EHBP1: variants seen among roughly 807,000 people sequenced by gnomAD.
EHBP1 encodes EH domain binding protein 1.
Under a neutral mutation model 144.0 loss-of-function variants are expected in EHBP1, and 55 were observed. The observed-to-expected ratio is 0.38, with a 90% confidence interval of 0.31 to 0.48. The LOEUF is 0.48. EHBP1 is among the 20% of genes least tolerant of loss of function. The pLI, the probability that EHBP1 is intolerant of heterozygous loss-of-function variation, is 0.98. For synonymous variants in EHBP1, 469 were observed against 472.7 expected, an observed-to-expected ratio of 0.99 and a Z score of 0.10; for missense variants, 1,200 against 1,364.2, an observed-to-expected ratio of 0.88 and a Z score of 1.90.
intron 19 of EHBP1, among the ~76,000 whole-genome samples, chr2:63,031,652 G>A (rs1236545759): frequency 6.6e-6 from 1 of 152,086 alleles, no homozygotes; most frequent in Non-Finnish European, 1.5e-5. Flanking sequence ...CTATTGGCTG[G>A]GCACAGTGTC....
intron 7 of EHBP1, among the ~76,000 whole-genome samples, chr2:62,837,724 A>T (rs1301749030): frequency 6.6e-6 from 1 of 151,512 alleles, no homozygotes; most frequent in East Asian, 1.9e-4. Context: ...AAACCAACAA[A>T]GATCAAAAGA....
intron 10 of EHBP1, among the ~76,000 whole-genome samples, chr2:62,911,580 G>A (rs1433515793): frequency 6.6e-6 from 1 of 152,102 alleles, no homozygotes; most frequent in Non-Finnish European, 1.5e-5. Context: ...TCCTGCCTCA[G>A]CCTCTCAAGT....
chr2:62,732,288 C>G (rs2037678957), intron 2 of EHBP1, among the ~76,000 whole-genome samples: 1 of 152,118 alleles, frequency 6.6e-6, no homozygotes, highest in Non-Finnish European at 1.5e-5. Flanking sequence ...TTTGGGAATT[C>G]TCAGACACTG....
At chr2:62,915,621 A>G (rs2054550721) in intron 10 of EHBP1, among the ~76,000 whole-genome samples, 1 of 152,216 alleles carries the variant, frequency 6.6e-6, no homozygotes, top group African/African-American at 2.4e-5. Context: ...TAGATTTGAT[A>G]TAACCATAAT....
intron 2 of EHBP1, among the ~76,000 whole-genome samples, chr2:62,711,215 T>C (rs1283120735): frequency 6.6e-6 from 1 of 152,210 alleles, no homozygotes; most frequent in African/African-American, 2.4e-5. Context: ...CACTTGCATA[T>C]AGTAAAATGC....
chr2:62,995,133 C>G (rs945851712), intron 18 of EHBP1, among the ~76,000 whole-genome samples: 2 of 152,086 alleles, frequency 1.3e-5, no homozygotes, highest in African/African-American at 4.8e-5. Flanking sequence ...GTTCAAGAAG[C>G]ATTCACCAGA....
At chr2:63,030,235 G>T (rs1418880286) in intron 19 of EHBP1, among the ~76,000 whole-genome samples, 1 of 152,070 alleles carries the variant, frequency 6.6e-6, no homozygotes, top group Non-Finnish European at 1.5e-5. Context: ...TTTATAAGAG[G>T]TCTTTATTCT....
intron 19 of EHBP1, among the ~76,000 whole-genome samples, chr2:63,006,245 AT>A (rs537500650): frequency 1.3e-4 from 20 of 150,254 alleles, no homozygotes; most frequent in East Asian, 5.8e-4. Context: ...TGGTAAGTTG[AT>A]TTTTTTTTTA....
At chr2:62,786,724 G>A (rs1030655938) in intron 5 of EHBP1, among the ~76,000 whole-genome samples, 12 of 152,076 alleles carry the variant, frequency 7.9e-5, no homozygotes, top group East Asian at 1.9e-4. Flanking sequence ...TGCTTTCTCC[G>A]CAGCAGAATT....
chr2:62,983,507 A>T (rs2059058468), intron 15 of EHBP1, among the ~76,000 whole-genome samples: 1 of 152,120 alleles, frequency 6.6e-6, no homozygotes, highest in South Asian at 2.1e-4. Flanking sequence ...TAGTTAGATT[A>T]GATTAGATTT....
chr2:62,840,588 C>G (rs2047739509), intron 7 of EHBP1, among the ~76,000 whole-genome samples: 1 of 151,712 alleles, frequency 6.6e-6, no homozygotes, highest in Non-Finnish European at 1.5e-5. Context: ...GCAACCTACT[C>G]ATCTGACAAA....
intron 10 of EHBP1, among the ~76,000 whole-genome samples, chr2:62,891,761 G>A (rs978521851): frequency 6.6e-6 from 1 of 152,022 alleles, no homozygotes; most frequent in African/African-American, 2.4e-5. Context: ...TAGCGAGGCC[G>A]TTTCACTAGG....
intron 10 of EHBP1, among the ~76,000 whole-genome samples, chr2:62,913,299 GC>G (rs1464312145): frequency 6.6e-6 from 1 of 152,048 alleles, no homozygotes; most frequent in Non-Finnish European, 1.5e-5. Context: ...TCTTTTAAAG[GC>G]CCTTCCCACT....
At chr2:62,909,494 T>C (rs1056609482) in intron 10 of EHBP1, among the ~76,000 whole-genome samples, 1 of 152,184 alleles carries the variant, frequency 6.6e-6, no homozygotes, top group Non-Finnish European at 1.5e-5. Context: ...GCAGAGTCTT[T>C]ATGAGAAAAC....
intron 1 of EHBP1, among the ~76,000 whole-genome samples, chr2:62,676,288 T>C (rs2033290457): frequency 6.6e-6 from 1 of 152,238 alleles, no homozygotes; most frequent in African/African-American, 2.4e-5. Flanking sequence ...TAATGACTAG[T>C]AAGATATCAC....
At chr2:62,992,699 G>A (rs187633875) in intron 16 of EHBP1, among the ~76,000 whole-genome samples, 1 of 152,138 alleles carries the variant, frequency 6.6e-6, no homozygotes, top group East Asian at 1.9e-4. Context: ...TGTATCCCAG[G>A]CCTCCTTGAG....
At chr2:62,742,100 G>A (rs1461531780) in intron 2 of EHBP1, among the ~76,000 whole-genome samples, 1 of 152,090 alleles carries the variant, frequency 6.6e-6, no homozygotes, top group African/African-American at 2.4e-5. Flanking sequence ...TAGCCTAGGA[G>A]TGATAGGCTC....
At chr2:62,879,955 A>G (rs901318797) in intron 10 of EHBP1, among the ~76,000 whole-genome samples, 2 of 152,318 alleles carry the variant, frequency 1.3e-5, no homozygotes, top group East Asian at 1.9e-4. Flanking sequence ...GCATCACACT[A>G]TCTGACTTTA....
chr2:62,883,369 G>T (rs1464567660), intron 10 of EHBP1, among the ~76,000 whole-genome samples: 2 of 152,176 alleles, frequency 1.3e-5, no homozygotes, highest in African/African-American at 4.8e-5. Flanking sequence ...CAGATACATT[G>T]TGGAATAAAT....
Sources: allele counts gnomAD v4.1 joint callset (sites outside exome capture counted in the v4.1 genomes callset), GRCh38; gene constraint gnomAD v4.1.1; transcripts MANE v1.5; gene names NCBI Gene and HGNC (gene_info 2026-07-23, HGNC 2026-07-21).